ST13: variants seen among roughly 807,000 people sequenced by gnomAD.
ST13 encodes the protein ST13 Hsp70 interacting protein.
A neutral mutation model predicts 56.7 loss-of-function variants in ST13; 23 were observed. That is an observed-to-expected ratio of 0.41 (90% CI 0.29 to 0.57). The LOEUF is 0.57. Ranked by LOEUF, ST13 falls within the 20% of genes least tolerant of loss-of-function variation. The probability of loss-of-function intolerance (pLI) is 0.36; values close to 1 mark genes in which losing one functional copy is unlikely to be tolerated. For synonymous variants in ST13, 132 were observed against 142.4 expected, an observed-to-expected ratio of 0.93 and a Z score of 0.52; for missense variants, 369 against 459.9, an observed-to-expected ratio of 0.80 and a Z score of 1.81.
intron 1 of ST13, chr22:40,854,655 GA>G (rs2057879593): frequency 1.3e-5 from 2 of 152,166 alleles, no homozygotes; most frequent in Admixed American, 1.3e-4. Context: ...TAGTAAGAAT[GA>G]AACAAAAACA....
chr22:40,856,335 C>T lies in ST13; in HGVS notation c.110+96G>A, dbSNP rs557868231. 70 of 1,093,514 alleles carry T rather than the reference C, an allele frequency of 6.4e-5. No homozygotes were observed. The East Asian group carries it at 1.6e-3, about 25-fold the overall frequency. 67.7% of individuals were successfully genotyped at this position (1,093,514 alleles called of 1,614,324 possible). On this transcript the variant is annotated intron_variant, in intron 1 of 11. Coordinates refer to ENST00000216218, the MANE Select transcript of ST13 (RefSeq NM_003932.5). ...TTCCCGGGCAAAGAAGGGGCAGCGA[C>T]CCCGCCTCGCCCGCCGGACCGAGCC...
intron 1 of ST13, among the ~76,000 whole-genome samples, chr22:40,853,356 A>G (rs1455878110): frequency 2.0e-5 from 3 of 152,016 alleles, no homozygotes; most frequent in Admixed American, 2.0e-4. Context: ...AAAAATAAAA[A>G]CTTTAAAAAA....
chr22:40,850,272 A>G (rs2057854758), intron 2 of ST13, among the ~76,000 whole-genome samples: 1 of 152,170 alleles, frequency 6.6e-6, no homozygotes, highest in African/African-American at 2.4e-5. Flanking sequence ...AAGAAAAAAC[A>G]AACAAATAAA....
At chr22:40,831,684 T>C (rs1602650323) in intron 8 of ST13, among the ~76,000 whole-genome samples, 1 of 152,170 alleles carries the variant, frequency 6.6e-6, no homozygotes, top group Non-Finnish European at 1.5e-5. Context: ...ATTCCCACTA[T>C]CTTAAAATCT....
intron 2 of ST13, among the ~76,000 whole-genome samples, chr22:40,849,716 A>T (rs944731267): frequency 4.6e-5 from 7 of 152,162 alleles, no homozygotes; most frequent in Non-Finnish European, 1.0e-4. Context: ...TCTAGGGCTC[A>T]GAAAATACCA....
At chr22:40,843,827 G>C (rs913544898) in intron 4 of ST13, among the ~76,000 whole-genome samples, 2 of 151,150 alleles carry the variant, frequency 1.3e-5, no homozygotes, top group Non-Finnish European at 1.5e-5. Flanking sequence ...GCAAATGCCA[G>C]TGAACAGCCA....
At chr22:40,836,574 G>A (rs1205170148) in intron 5 of ST13, among the ~76,000 whole-genome samples, 1 of 151,994 alleles carries the variant, frequency 6.6e-6, no homozygotes, top group African/African-American at 2.4e-5. Flanking sequence ...AGCTTAGAAA[G>A]GAAAAGTAAC....
chr22:40,844,863 T>G lies in ST13; in HGVS notation c.291A>C (p.Gln97His). The G allele has an allele frequency of 6.2e-7, 1 of 1,613,654 alleles. No homozygotes were observed. Among genetic ancestry groups the G allele is most frequent in the Non-Finnish European group, 8.5e-7 (1 of 1,179,756 alleles). ...GVIEPDTDAP[Q>H]EMGDENAEIT... ...CCTCCGCATTTTCATCTCCCATTTC[T>G]TGAGGAGCATCAGTGTCTGGTTCAA... The change falls in exon 4 of 12, where the codon CAA (glutamine) becomes CAC (histidine). Residue 97 changes from glutamine to histidine, a missense_variant. Physicochemically the swap from Gln to His is conservative, Grantham distance 24 (BLOSUM62 0). Transcript: ENST00000216218.
intron 5 of ST13, among the ~76,000 whole-genome samples, chr22:40,836,776 A>G (rs1271854692): frequency 6.6e-6 from 1 of 152,142 alleles, no homozygotes; most frequent in African/African-American, 2.4e-5. Flanking sequence ...CAAATAAAAC[A>G]CCCTATAGAA....
intron 4 of ST13, among the ~76,000 whole-genome samples, chr22:40,844,305 T>C (rs995855041): frequency 2.6e-5 from 4 of 152,202 alleles, no homozygotes; most frequent in Non-Finnish European, 5.9e-5. Context: ...TATTACTATA[T>C]TAGAGTGTTT....
At chr22:40,854,383 G>A (rs1037411271) in intron 1 of ST13, among the ~76,000 whole-genome samples, 4 of 152,340 alleles carry the variant, frequency 2.6e-5, no homozygotes, top group South Asian at 2.1e-4. Context: ...CATATGCCAT[G>A]ATGCTTCACC....
chr22:40,830,701 TC>T (rs34502009), intron 9 of ST13, 138 bp downstream of exon 9: 1 of 455,296 alleles, frequency 2.2e-6, no homozygotes, highest in African/African-American at 2.0e-5. Flanking sequence ...GAAAGGAGAC[TC>T]CCCATAAGTA....
Position 40,856,447 on chromosome 22 carries a change from T to C in ST13, c.94A>G (p.Arg32Gly). The change falls in exon 1 of 12, where the codon AGG (arginine) becomes GGG (glycine). Residue 32 changes from arginine (R) to glycine (G), a missense_variant. Coordinates refer to ENST00000216218, the MANE Select transcript of ST13 (RefSeq NM_003932.5). ...GGGTCTCACCTCTCCACCCACTCCC[T>C]CAGGAAGCGCATTTCCTCGGTGTGC... The part of the protein sequence containing the change: ...VLHTEEMRFL[R>G]EWVESMGGKV... 1 of 1,613,320 alleles carries C rather than the reference T, an allele frequency of 6.2e-7. No homozygotes were observed. Among genetic ancestry groups the C allele is most frequent in the Non-Finnish European group, 8.5e-7 (1 of 1,179,584 alleles).
At position 40,829,620 on chromosome 22, in the gene ST13, A is replaced by C; in HGVS notation, c.847+6T>G. On this transcript the variant is annotated splice_donor_region_variant and intron_variant, in intron 10 of 11. Transcript: ENST00000216218. ...CAAAACAGTTTTAACTTTTCTTTAA[A>C]TATACCTGGAAAAGAGCCATACTGA... The C allele has an allele frequency of 7.0e-7, 1 of 1,432,618 alleles. No homozygotes were observed. Among genetic ancestry groups the C allele is most frequent in the East Asian group, 2.4e-5 (1 of 41,480 alleles). 88.7% of individuals were successfully genotyped at this position (1,432,618 alleles called of 1,614,324 possible).
chr22:40,832,242 T>C (rs777413574), intron 8 of ST13: 1 of 479,114 alleles, frequency 2.1e-6, no homozygotes, highest in South Asian at 1.5e-5. Flanking sequence ...ACACATCAGA[T>C]TCAATCCTGG....
At chr22:40,849,415 T>C (rs2057849496) in intron 2 of ST13, among the ~76,000 whole-genome samples, 1 of 148,768 alleles carries the variant, frequency 6.7e-6, no homozygotes, top group Non-Finnish European at 1.5e-5. Flanking sequence ...GAGGCAGAGC[T>C]TGCAATGAGC....
intron 1 of ST13, among the ~76,000 whole-genome samples, chr22:40,852,190 T>C (rs1312525121): frequency 6.6e-6 from 1 of 152,260 alleles, no homozygotes; most frequent in Non-Finnish European, 1.5e-5. Context: ...TTATCAGCAA[T>C]GTATGAGAAT....
At chr22:40,832,936 C>T (rs189941912) in intron 7 of ST13, among the ~76,000 whole-genome samples, 1 of 152,312 alleles carries the variant, frequency 6.6e-6, no homozygotes, top group East Asian at 1.9e-4. Context: ...TTCAGAATAT[C>T]GTAATTTTCT....
chr22:40,831,082 C>G (rs138335), intron 8 of ST13, 126 bp from the exon 9 acceptor site: 452,517 of 665,996 alleles, frequency 0.68, 157,040 homozygotes, highest in African/African-American at 0.94. Context: ...TTGTCTTGTA[C>G]AAAAAGACCT....
Sources: allele counts gnomAD v4.1 joint callset (sites outside exome capture counted in the v4.1 genomes callset), GRCh38; gene constraint gnomAD v4.1.1; transcripts MANE v1.5; gene names NCBI Gene and HGNC (gene_info 2026-07-23, HGNC 2026-07-21).